Variants in DICER1 observed in about 807,000 individuals in gnomAD.
DICER1 encodes the protein endoribonuclease Dicer.
In DICER1, 43 loss-of-function variants were observed where a neutral mutation model predicts 194.1. That is an observed-to-expected ratio of 0.22 (90% CI 0.17 to 0.29). DICER1 has a LOEUF of 0.29. Ranked by LOEUF, DICER1 falls within the 10% of genes least tolerant of loss-of-function variation. The pLI is 1.00. For synonymous variants in DICER1, 832 were observed against 820.5 expected, an observed-to-expected ratio of 1.01 and a Z score of -0.24; for missense variants, 1,608 against 2,317.0, an observed-to-expected ratio of 0.69 and a Z score of 6.28.
At chr14:95,092,646 T>G (rs1303688831) in intron 24 of DICER1, among the ~76,000 whole-genome samples, 1 of 152,178 alleles carries the variant, frequency 6.6e-6, no homozygotes, top group African/African-American at 2.4e-5. Flanking sequence ...GATCAAATAG[T>G]AAGTTAGAAA....
Position 95,124,680 on chromosome 14 carries a change from A to T in DICER1, c.904-12T>A, listed in dbSNP as rs1236883041. 14 of 1,599,894 alleles carry T rather than the reference A, an allele frequency of 8.8e-6. No individual in the cohort carries two copies. The highest frequency in any genetic ancestry group is 1.2e-5 in the Non-Finnish European group (14 of 1,168,200). Reference sequence around the variant, plus strand: ...CAGTCTGATAGTATCTACAAAAAAAAGAAAAGAAAAAACCTAATGCCAAAT... The same window carrying T: ...CAGTCTGATAGTATCTACAAAAAAATGAAAAGAAAAAACCTAATGCCAAAT... On this transcript the variant is annotated splice_polypyrimidine_tract_variant and intron_variant, in intron 7 of 26. Coordinates refer to ENST00000343455, the MANE Select transcript of DICER1 (RefSeq NM_177438.3). This position sits in a 1 kb window ranked among gnomAD's most constrained non-coding sequence, Gnocchi z 4.5.
chr14:95,147,353 C>A (rs1037361691), intron 1 of DICER1, among the ~76,000 whole-genome samples: 3 of 152,148 alleles, frequency 2.0e-5, no homozygotes, highest in African/African-American at 4.8e-5. Flanking sequence ...GTAGTCCCAA[C>A]TCCTCAGGAG....
intron 8 of DICER1, among the ~76,000 whole-genome samples, chr14:95,118,180 C>T (rs916754777): frequency 6.6e-6 from 1 of 152,192 alleles, no homozygotes; most frequent in African/African-American, 2.4e-5. Context: ...CTCAACTCAA[C>T]ACCCTTCTCT....
At position 95,096,071 on chromosome 14, in the gene DICER1, G is replaced by C; in HGVS notation, c.4849C>G (p.Leu1617Val). Residue 1617 changes from leucine to valine, a missense_variant, in exon 23 of 27, where the codon CTT (leucine) becomes GTT (valine). By Grantham distance (32) the Leu-to-Val change is conservative. Transcript: ENST00000343455. ...GAAGCAGCAGCACAGCTCACTGAAA[G>C]GTTCTTTTGTTGGCTGTTGAAATTC... Reference protein sequence around the residue: ...RENFNSQQKNLSVSCAAASVA... With the variant: ...RENFNSQQKNVSVSCAAASVA... 1 of 1,614,194 alleles carries C rather than the reference G, an allele frequency of 6.2e-7. No individual in the cohort carries two copies.
intron 24 of DICER1, 42 bp downstream of exon 24, chr14:95,093,846 A>G (rs767493726): frequency 3.7e-6 from 6 of 1,608,622 alleles, no homozygotes; most frequent in Non-Finnish European, 5.1e-6. Flanking sequence ...AGAGACTCCT[A>G]GTTAGACCAC....
At chr14:95,104,799 T>G (rs1891260822) in intron 20 of DICER1, among the ~76,000 whole-genome samples, 1 of 152,154 alleles carries the variant, frequency 6.6e-6, no homozygotes, top group South Asian at 2.1e-4. Context: ...TAACATATAT[T>G]TGGATTTTTA....
chr14:95,117,579 G>A (rs1355988346), intron 9 of DICER1, 43 bp downstream of exon 9: 1 of 1,609,260 alleles, frequency 6.2e-7, no homozygotes, highest in African/African-American at 1.3e-5. Flanking sequence ...GTCTGTATAT[G>A]TCCCGAAAAC....
At chr14:95,119,354 C>T (rs1192285447) in intron 8 of DICER1, among the ~76,000 whole-genome samples, 2 of 152,070 alleles carry the variant, frequency 1.3e-5, no homozygotes, top group Non-Finnish European at 2.9e-5. Flanking sequence ...TAAATAAAAT[C>T]TCTTGTAAGC....
At chr14:95,110,550 G>C (rs1305208420) in intron 14 of DICER1, among the ~76,000 whole-genome samples, 1 of 152,100 alleles carries the variant, frequency 6.6e-6, no homozygotes, top group Admixed American at 6.5e-5. Context: ...ACGTTCTAAT[G>C]AAACAACGTT....
At position 95,107,902 on chromosome 14, in the gene DICER1, G is replaced by A. The variant is rs1406824963; in HGVS notation, c.2628C>T (p.Tyr876=). The A allele has an allele frequency of 6.2e-7, 1 of 1,613,942 alleles. No individual in the cohort carries two copies. Among genetic ancestry groups the A allele is most frequent in the Non-Finnish European group, 8.5e-7 (1 of 1,179,844 alleles). ...EFKPTDADSA[Y]CVLPLNVVND... ...TACCAACATTAAGAGGTAGAACACA[G>A]TATGCTGAATCAGCGTCTGTAGGTT... The change falls in exon 16 of 27, where the codon TAC becomes TAT. Residue 876 remains tyrosine, a synonymous_variant. Coordinates refer to ENST00000343455, the MANE Select transcript of DICER1 (RefSeq NM_177438.3).
chr14:95,126,787 G>T, intron 6 of DICER1, 39 bp from the exon 7 acceptor site: 21 of 1,122,732 alleles, frequency 1.9e-5, no homozygotes, highest in Non-Finnish European at 2.4e-5. Flanking sequence ...TACTGCAGTA[G>T]TGAGAATGCA....
chr14:95,156,681 G>C (rs1895894237), intron 1 of DICER1, among the ~76,000 whole-genome samples: 1 of 152,220 alleles, frequency 6.6e-6, no homozygotes, highest in Non-Finnish European at 1.5e-5. Flanking sequence ...GAATGGCCTC[G>C]GCCCCTGCCC....
intron 17 of DICER1, 129 bp from the exon 18 acceptor site, chr14:95,106,352 C>T (rs1031314594): frequency 1.5e-4 from 106 of 728,196 alleles, no homozygotes; most frequent in Non-Finnish European, 4.2e-5. Context: ...TAACAATAAA[C>T]ATCTGTATTC....
intron 8 of DICER1, among the ~76,000 whole-genome samples, chr14:95,120,112 A>G (rs1231583304): frequency 1.3e-5 from 2 of 152,252 alleles, no homozygotes; most frequent in African/African-American, 4.8e-5. Flanking sequence ...AAAGAAATTC[A>G]AAGATATAAA....
At chr14:95,091,456 T>C (rs1042647998) in intron 24 of DICER1, 91 bp from the exon 25 acceptor site, 2 of 1,185,588 alleles carry the variant, frequency 1.7e-6, no homozygotes, top group African/African-American at 1.5e-5. Context: ...TATATGACTT[T>C]TGTTACTTCT....
rs1595374361 is a variant in DICER1 at position 95,106,223 on chromosome 14, T to C, written c.2805A>G (p.Arg935=). The change falls in exon 18 of 27, where the codon AGA becomes AGG. Residue 935 remains arginine, a splice_region_variant and synonymous_variant. Transcript: ENST00000343455. ...GATGAGGCTGATCAAAATTGCGATA[T>C]CTAAAAAAGAAAAACAAAAAAACAA... The part of the protein sequence containing the change: ...EDYQDAVIIP[R]YRNFDQPHRF... 2 of 1,612,766 alleles carry C rather than the reference T, an allele frequency of 1.2e-6. No homozygotes were observed. Among genetic ancestry groups the C allele is most frequent in the South Asian group, 1.1e-5 (1 of 91,044 alleles).
At chr14:95,133,739 A>G (rs185417267) in intron 1 of DICER1, among the ~76,000 whole-genome samples, 301 of 152,358 alleles carry the variant, frequency 2.0e-3, no homozygotes, top group Admixed American at 2.7e-3. Context: ...GCAACTTCAC[A>G]AAGAGATGTA....
intron 21 of DICER1, among the ~76,000 whole-genome samples, chr14:95,101,786 T>A (rs1890900445): frequency 6.6e-6 from 1 of 152,168 alleles, no homozygotes; most frequent in African/African-American, 2.4e-5. Context: ...AGTCCCCTCA[T>A]CTGCAAAACA....
Position 95,105,496 on chromosome 14 carries a change from C to A in DICER1, c.3093+182G>T, listed in dbSNP as rs1328984160. Among the ~76,000 whole-genome samples, 1 of 152,056 alleles carries A rather than the reference C, an allele frequency of 6.6e-6. No individual in the cohort carries two copies. Among genetic ancestry groups the A allele is most frequent in the East Asian group, 1.9e-4 (1 of 5,196 alleles). ...CTCAATACTTACCAAAAAGAACATT[C>A]AAATAACATTCAACACATAATACTA... On this transcript the variant is annotated intron_variant, in intron 19 of 26. Transcript: ENST00000343455. The surrounding 1 kb of genome is among the most constrained non-coding windows in gnomAD (Gnocchi z 4.9).
Sources: gnomAD v4.1 joint callset for allele counts (sites outside exome capture counted in the v4.1 genomes callset) on GRCh38, gnomAD v4.1.1 for gene constraint, Gnocchi (gnomAD v3.1) non-coding constraint, MANE v1.5 for transcripts, NCBI Gene and HGNC (gene_info 2026-07-23, HGNC 2026-07-21) for gene names.